PRR5L: variants seen among roughly 807,000 people sequenced by gnomAD.
PRR5L encodes the protein proline rich 5 like, also known as proline-rich protein 5-like.
Under a neutral mutation model 36.4 loss-of-function variants are expected in PRR5L, and 21 were observed. That is an observed-to-expected ratio of 0.58 (90% CI 0.41 to 0.83). The LOEUF (loss-of-function observed/expected upper bound fraction) is 0.83, where lower values mean the gene tolerates loss of function less well. Ranked by LOEUF, PRR5L falls within the 40% of genes least tolerant of loss-of-function variation. The pLI, the probability that PRR5L is intolerant of heterozygous loss-of-function variation, is 0.00. For missense variants in PRR5L, 381 were observed against 473.3 expected (o/e 0.80, Z 1.81); for synonymous variants, 188 against 197.0 (o/e 0.95, Z 0.38).
chr11:36,330,025 C>T (rs1463882507), intron 1 of PRR5L, among the ~76,000 whole-genome samples: 2 of 152,140 alleles, frequency 1.3e-5, no homozygotes, highest in African/African-American at 4.8e-5. Context: ...TAGTCAAAGC[C>T]TTCATAATAT....
At chr11:36,338,276 G>A (rs572827005) in intron 1 of PRR5L, among the ~76,000 whole-genome samples, 19 of 152,218 alleles carry the variant, frequency 1.2e-4, no homozygotes, top group African/African-American at 4.6e-4. Flanking sequence ...TATCCCCATT[G>A]AGCTCCTTTG....
At position 36,462,688 on chromosome 11, in the gene PRR5L, C is replaced by G. The variant is rs1554933868; in HGVS notation, c.1059C>G (p.Ala353=). The part of the protein sequence containing the change: ...TDNPDGLEEG[A]RGSQEGSELN... ...ACCCTGACGGACTGGAGGAGGGGGCCAGGGGCAGCCAGGAGGGCTCGGAGC... is the reference window on the plus strand; with the variant it reads ...ACCCTGACGGACTGGAGGAGGGGGCGAGGGGCAGCCAGGAGGGCTCGGAGC... The change falls in exon 9 of 9, where the codon GCC becomes GCG. Residue 353 remains alanine (A), a synonymous_variant. Transcript: ENST00000530639. 1 of 1,601,194 alleles carries G rather than the reference C, an allele frequency of 6.2e-7. No individual in the cohort carries two copies. The highest frequency in any genetic ancestry group is 1.1e-5 in the South Asian group (1 of 89,090).
intron 1 of PRR5L, among the ~76,000 whole-genome samples, chr11:36,352,727 G>A (rs1418558703): frequency 6.6e-6 from 1 of 152,136 alleles, no homozygotes; most frequent in African/African-American, 2.4e-5. Context: ...AAACAGTGGG[G>A]CTTAGACATC....
intron 1 of PRR5L, among the ~76,000 whole-genome samples, chr11:36,374,829 C>T (rs1857236943): frequency 6.6e-6 from 1 of 152,136 alleles, no homozygotes. Context: ...GGCTAATAAC[C>T]AGAGTATGGG....
intron 1 of PRR5L, among the ~76,000 whole-genome samples, chr11:36,371,851 C>G (rs116676351): frequency 0.037 from 5,650 of 152,060 alleles, 358 homozygotes; most frequent in African/African-American, 0.13. Flanking sequence ...CCGAGGTCAA[C>G]GGTTGGAGAC....
intron 1 of PRR5L, among the ~76,000 whole-genome samples, chr11:36,340,062 A>G (rs1856803807): frequency 6.6e-6 from 1 of 152,194 alleles, no homozygotes; most frequent in Non-Finnish European, 1.5e-5. Context: ...GTTTCTGTGT[A>G]CAGCTTTGAT....
chr11:36,360,378 A>C (rs1857074506), intron 1 of PRR5L, among the ~76,000 whole-genome samples: 2 of 152,208 alleles, frequency 1.3e-5, no homozygotes, highest in Non-Finnish European at 2.9e-5. Flanking sequence ...ATAACTCAGC[A>C]AATGCTTAGA....
At chr11:36,351,619 T>TTATATAAA (rs1856966195) in intron 1 of PRR5L, among the ~76,000 whole-genome samples, 1 of 16,808 alleles carries the variant, frequency 5.9e-5, no homozygotes, top group Non-Finnish European at 9.9e-5. Context: ...ATTTATATAT[T>TTATATAAA]TATATATTTA....
At chr11:36,338,100 G>T (rs1413222453) in intron 1 of PRR5L, among the ~76,000 whole-genome samples, 2 of 152,176 alleles carry the variant, frequency 1.3e-5, no homozygotes, top group African/African-American at 2.4e-5. Context: ...CAGTAAGGCT[G>T]ATAAATACAG....
In PRR5L at chr11:36,436,722, A is replaced by T. The variant is rs892670801; in HGVS notation, c.353-663A>T. Among the ~76,000 whole-genome samples, 6 of 152,248 alleles carry T rather than the reference A, an allele frequency of 3.9e-5. No individual in the cohort carries two copies. The South Asian group carries it at 8.3e-4, about 21-fold the overall frequency. ...ATGATCTTCCTGGATAAGATTGGCC[A>T]AGAGCATGGGTTCTGGAATCACAGC... On this transcript the variant is annotated intron_variant, in intron 5 of 8. Transcript: ENST00000530639.
intron 1 of PRR5L, chr11:36,350,181 T>G (rs1856912824): frequency 4.7e-5 from 1 of 21,160 alleles, no homozygotes; most frequent in African/African-American, 1.9e-4. Flanking sequence ...TGGGTGTGTG[T>G]GTGGGAGGGT....
chr11:36,317,741 G>A (rs1192793180), intron 1 of PRR5L, among the ~76,000 whole-genome samples: 2 of 152,126 alleles, frequency 1.3e-5, no homozygotes, highest in Non-Finnish European at 2.9e-5. Context: ...CATCATTCTG[G>A]TTCCTGGTGG....
Position 36,390,801 on chromosome 11 carries a change from G to A in PRR5L, c.-125-10196G>A, listed in dbSNP as rs117117147. On this transcript the variant is annotated intron_variant, in intron 1 of 8. Coordinates refer to ENST00000530639, the MANE Select transcript of PRR5L (RefSeq NM_001160167.2). ...CCTCTAAGTTCATTTTTAAAATGCTGAGATAATACATGTCAAGTGCCCGCC... is the reference window on the plus strand; with the variant it reads ...CCTCTAAGTTCATTTTTAAAATGCTAAGATAATACATGTCAAGTGCCCGCC... Among the ~76,000 whole-genome samples the A allele has an allele frequency of 2.4e-3, 368 of 152,324 alleles. 4 individuals are homozygous for A. Among genetic ancestry groups the A allele is most frequent in the East Asian group, 0.02 (104 of 5,188 alleles).
chr11:36,369,272 G>C (rs1361787135), intron 1 of PRR5L, among the ~76,000 whole-genome samples: 2 of 152,190 alleles, frequency 1.3e-5, no homozygotes, highest in Non-Finnish European at 2.9e-5. Context: ...TGAGTGTTGT[G>C]AGGAAACCAG....
At chr11:36,393,144 G>A (rs1857594925) in intron 1 of PRR5L, among the ~76,000 whole-genome samples, 1 of 152,126 alleles carries the variant, frequency 6.6e-6, no homozygotes, top group African/African-American at 2.4e-5. Flanking sequence ...TCTTCACCTT[G>A]TTGATTGGTA....
intron 3 of PRR5L, among the ~76,000 whole-genome samples, chr11:36,418,508 T>A (rs188576494): frequency 6.6e-6 from 1 of 152,230 alleles, no homozygotes; most frequent in Admixed American, 6.5e-5. Context: ...GGAAGAATAA[T>A]AATTACTACT....
At chr11:36,318,126 T>G (rs1278880151) in intron 1 of PRR5L, among the ~76,000 whole-genome samples, 5 of 152,222 alleles carry the variant, frequency 3.3e-5, no homozygotes, top group Non-Finnish European at 5.9e-5. Flanking sequence ...AGTAATACGC[T>G]GTACACGTTT....
intron 4 of PRR5L, among the ~76,000 whole-genome samples, chr11:36,424,255 A>G (rs1435970472): frequency 6.6e-6 from 1 of 152,236 alleles, no homozygotes; most frequent in Non-Finnish European, 1.5e-5. Flanking sequence ...CTGAAAATAT[A>G]TCACCCGAAA....
chr11:36,359,576 T>C (rs1469438065), intron 1 of PRR5L, among the ~76,000 whole-genome samples: 6 of 152,256 alleles, frequency 3.9e-5, no homozygotes, highest in Non-Finnish European at 7.3e-5. Flanking sequence ...CAGCAATTAG[T>C]GTAACACTTT....
Sources: allele counts gnomAD v4.1 joint callset (sites outside exome capture counted in the v4.1 genomes callset), GRCh38; gene constraint gnomAD v4.1.1; transcripts MANE v1.5; gene names NCBI Gene and HGNC (gene_info 2026-07-23, HGNC 2026-07-21).